Variants in PXDNL observed in about 807,000 individuals in gnomAD.
The protein encoded by PXDNL is probable oxidoreductase PXDNL.
A neutral mutation model predicts 150.8 loss-of-function variants in PXDNL; 145 were observed. The ratio of observed to expected loss-of-function variants is 0.96; its 90% confidence interval spans 0.84 to 1.10. PXDNL has a LOEUF of 1.10. Ranked by LOEUF, PXDNL falls within the 50% of genes least tolerant of loss-of-function variation. The probability of loss-of-function intolerance (pLI) is 0.00; values close to 1 mark genes in which losing one functional copy is unlikely to be tolerated. For missense variants in PXDNL, 2,087 were observed against 1,873.9 expected, an observed-to-expected ratio of 1.11 and a Z score of -2.10; for synonymous variants, 757 against 725.7, an observed-to-expected ratio of 1.04 and a Z score of -0.69.
chr8:51,574,042 G>C (rs1329010423), intron 3 of PXDNL, among the ~76,000 whole-genome samples: 1 of 151,976 alleles, frequency 6.6e-6, no homozygotes, highest in Non-Finnish European at 1.5e-5. Flanking sequence ...CAGCCTGCGG[G>C]ACTTTCTTAC....
intron 3 of PXDNL, among the ~76,000 whole-genome samples, chr8:51,569,894 A>C (rs1486498429): frequency 6.6e-6 from 1 of 151,956 alleles, no homozygotes; most frequent in East Asian, 1.9e-4. Flanking sequence ...TTTCCAAAAA[A>C]GAGTTAAAAT....
chr8:51,514,950 A>C (rs901576379), intron 4 of PXDNL, among the ~76,000 whole-genome samples: 2 of 152,236 alleles, frequency 1.3e-5, no homozygotes, highest in African/African-American at 4.8e-5. Context: ...ATACTTGGAG[A>C]AACTTTGGTC....
At chr8:51,333,191 C>T (rs559045281) in intron 21 of PXDNL, among the ~76,000 whole-genome samples, 1 of 152,276 alleles carries the variant, frequency 6.6e-6, no homozygotes, top group East Asian at 1.9e-4. Context: ...CTTCAACCTC[C>T]TCAAACAAAA....
intron 3 of PXDNL, among the ~76,000 whole-genome samples, chr8:51,563,574 A>G (rs1336814290): frequency 6.6e-6 from 1 of 152,010 alleles, no homozygotes; most frequent in South Asian, 2.1e-4. Context: ...TGAGTAACAG[A>G]GATTCTGAAT....
intron 1 of PXDNL, among the ~76,000 whole-genome samples, chr8:51,770,074 T>C (rs1319859572): frequency 1.3e-5 from 2 of 152,184 alleles, no homozygotes; most frequent in Non-Finnish European, 2.9e-5. Context: ...ACCTCATTTT[T>C]CCTTATACCC....
At chr8:51,441,658 A>AGATAGAT (rs1563413632) in intron 12 of PXDNL, among the ~76,000 whole-genome samples, 1 of 152,086 alleles carries the variant, frequency 6.6e-6, no homozygotes, top group Admixed American at 6.6e-5. Flanking sequence ...CAGTACTGGT[A>AGATAGAT]CACAGATAGA....
At chr8:51,420,861 T>A (rs577799377) in intron 14 of PXDNL, among the ~76,000 whole-genome samples, 1 of 152,162 alleles carries the variant, frequency 6.6e-6, no homozygotes, top group Non-Finnish European at 1.5e-5. Flanking sequence ...GTTAATTTTT[T>A]GTATTTTTAG....
intron 4 of PXDNL, among the ~76,000 whole-genome samples, chr8:51,503,337 T>C (rs1219472444): frequency 1.3e-5 from 2 of 152,246 alleles, no homozygotes; most frequent in African/African-American, 2.4e-5. Flanking sequence ...TTGATTATAG[T>C]GCAAGCATAT....
intron 19 of PXDNL, among the ~76,000 whole-genome samples, chr8:51,359,494 A>C (rs898962723): frequency 6.6e-6 from 1 of 152,176 alleles, no homozygotes; most frequent in Admixed American, 6.5e-5. Context: ...AAAGAGAGTA[A>C]TATGAAGGAA....
At chr8:51,522,544 G>T (rs1811683309) in intron 4 of PXDNL, among the ~76,000 whole-genome samples, 2 of 152,168 alleles carry the variant, frequency 1.3e-5, no homozygotes, top group South Asian at 2.1e-4. Flanking sequence ...ATTGTAATTG[G>T]CCTTATAAGA....
rs1473981657 is a variant in PXDNL, at chr8:51,411,254, G to A, written c.2058C>T (p.Gly686=). The A allele has an allele frequency of 1.4e-5, 21 of 1,467,114 alleles. No homozygotes were observed. The highest frequency in any genetic ancestry group is 1.9e-5 in the Non-Finnish European group (21 of 1,108,914). 90.9% of individuals were successfully genotyped at this position (1,467,114 alleles called of 1,614,324 possible). A position where few individuals can be genotyped will look rare whatever the true frequency, so the allele number is the denominator to read the frequency against. ...TAAAATGGCTTTGTGGCTGACCTTTGCCTTCCAAGTCCACAGTGAGCCCCT... is the reference window on the plus strand; with the variant it reads ...TAAAATGGCTTTGTGGCTGACCTTTACCTTCCAAGTCCACAGTGAGCCCCT... The part of the protein sequence containing the change: ...VKQGLTVDLE[G]KEFRYNDLVS... Residue 686 remains glycine, a synonymous_variant, in exon 16 of 23, where the codon GGC becomes GGT. Transcript: ENST00000356297.
intron 4 of PXDNL, among the ~76,000 whole-genome samples, chr8:51,550,134 A>G (rs1022716774): frequency 6.6e-6 from 1 of 152,192 alleles, no homozygotes; most frequent in African/African-American, 2.4e-5. Context: ...TAAACCTGGA[A>G]GAAATAGAAA....
intron 2 of PXDNL, among the ~76,000 whole-genome samples, chr8:51,642,541 T>C (rs1388137875): frequency 6.6e-6 from 1 of 152,058 alleles, no homozygotes; most frequent in South Asian, 2.1e-4. Flanking sequence ...TGGACATATC[T>C]CAAAATAATA....
At chr8:51,537,490 T>C (rs926663158) in intron 4 of PXDNL, among the ~76,000 whole-genome samples, 2 of 152,190 alleles carry the variant, frequency 1.3e-5, no homozygotes, top group Non-Finnish European at 2.9e-5. Context: ...AAAACTGCAC[T>C]GCTTGAAGCT....
intron 1 of PXDNL, among the ~76,000 whole-genome samples, chr8:51,707,047 A>G (rs1816395400): frequency 6.6e-6 from 1 of 152,228 alleles, no homozygotes; most frequent in Non-Finnish European, 1.5e-5. Flanking sequence ...ACTACTTATG[A>G]TAGCCTGAAA....
intron 4 of PXDNL, among the ~76,000 whole-genome samples, chr8:51,544,709 C>A (rs1050442661): frequency 1.6e-4 from 25 of 152,142 alleles, no homozygotes; most frequent in African/African-American, 6.0e-4. Flanking sequence ...AAGGCTATGT[C>A]ATGAAGCCAA....
chr8:51,701,035 A>G (rs1240885820), intron 1 of PXDNL, among the ~76,000 whole-genome samples: 1 of 152,036 alleles, frequency 6.6e-6, no homozygotes, highest in Non-Finnish European at 1.5e-5. Context: ...ACACATATAC[A>G]CACAGAGAGA....
intron 21 of PXDNL, among the ~76,000 whole-genome samples, chr8:51,326,939 C>G (rs1202131790): frequency 6.6e-6 from 1 of 152,010 alleles, no homozygotes; most frequent in Non-Finnish European, 1.5e-5. Context: ...GACTGATGCT[C>G]TCATAAACAA....
At chr8:51,586,592 G>A (rs937632219) in intron 3 of PXDNL, among the ~76,000 whole-genome samples, 7 of 152,166 alleles carry the variant, frequency 4.6e-5, no homozygotes, top group African/African-American at 1.4e-4. Context: ...ACTATTAAAG[G>A]TCACATTCTT....
Sources: gnomAD v4.1 joint callset for allele counts (sites outside exome capture counted in the v4.1 genomes callset) on GRCh38, gnomAD v4.1.1 for gene constraint, MANE v1.5 for transcripts, NCBI Gene and HGNC (gene_info 2026-07-23, HGNC 2026-07-21) for gene names.